The following ZNF470 variants were observed in gnomAD, a reference collection of about 807,000 sequenced individuals.
The protein encoded by ZNF470 is chondrogenesis zinc finger protein 1.
In ZNF470, 13 loss-of-function variants were observed where a neutral mutation model predicts 13.9. The ratio of observed to expected loss-of-function variants is 0.94; its 90% CI spans 0.61 to 1.49. ZNF470 has a LOEUF of 1.49. ZNF470 is among the 40% of genes most tolerant of loss of function. The pLI, the probability that ZNF470 is intolerant of heterozygous loss-of-function variation, is 0.00. For missense variants in ZNF470, 929 were observed against 857.3 expected (o/e 1.08, Z -1.04); for synonymous variants, 293 against 282.9 (o/e 1.04, Z -0.36).
chr19:56,581,816 A>G lies in ZNF470; in HGVS notation c.*3233A>G, dbSNP rs993363069. The G allele has an allele frequency of 5.3e-5, 52 of 985,272 alleles. No individual in the cohort carries two copies. In the African/African-American group the frequency reaches 7.7e-4, roughly 15 times the overall value. 61.0% of individuals were successfully genotyped at this position (985,272 alleles called of 1,614,324 possible). A position where few individuals can be genotyped will look rare whatever the true frequency, so the allele number is the denominator to read the frequency against. The stretch of plus-strand genomic sequence containing the variant: ...CATATGTTTTTGATGGACGTGGCCA[A>G]TAAAATTGTCTCTGAATTTCAAAAG... On this transcript the variant is annotated 3_prime_UTR_variant, in exon 6 of 6. Transcript: ENST00000330619.
chr19:56,578,689 T>C lies in ZNF470; in HGVS notation c.*106T>C. 1 of 1,326,258 alleles carries C rather than the reference T, an allele frequency of 7.5e-7. No homozygotes were observed. The highest frequency in any genetic ancestry group is 2.6e-5 in the East Asian group (1 of 38,158). 82.2% of individuals were successfully genotyped at this position (1,326,258 alleles called of 1,614,324 possible). The stretch of plus-strand genomic sequence containing the variant: ...TCTCATCTGGATTTCTGCAGTAGCA[T>C]AACTGTTGCCCCTTTTGCTTCTATC... On this transcript the variant is annotated 3_prime_UTR_variant, in exon 6 of 6. Transcript: ENST00000330619.
In ZNF470 at chr19:56,573,986, TC is replaced by T. The variant is rs527614760; in HGVS notation, c.61-407del. The stretch of plus-strand genomic sequence containing the variant: ...GGAGATTGAAATCATGTTCATCAGG[TC>T]AGCATCCTTCCTTGCAAGTTTTTCT... On this transcript the variant is annotated intron_variant, in intron 3 of 5. Coordinates refer to ENST00000330619, the MANE Select transcript of ZNF470 (RefSeq NM_001001668.4). The T allele has an allele frequency of 8.5e-5, 84 of 983,560 alleles. No homozygotes were observed. In the African/African-American group the frequency reaches 1.4e-3, roughly 16 times the overall value. 60.9% of individuals were successfully genotyped at this position (983,560 alleles called of 1,614,324 possible).
In ZNF470 at chr19:56,577,306, T is replaced by C; in HGVS notation, c.877T>C (p.Phe293Leu). 6.2e-7 allele frequency: 1 copy of C among 1,613,848 alleles called. No homozygotes were observed. The highest frequency in any genetic ancestry group is 8.5e-7 in the Non-Finnish European group (1 of 1,179,842). The change falls in exon 6 of 6, where the codon TTC becomes CTC. Residue 293 changes from phenylalanine (F) to leucine (L), a missense_variant. Physicochemically the swap from Phe to Leu is conservative, Grantham distance 22. Transcript: ENST00000330619. ...TGAATGTACTGAATGTGGGAAAGCC[T>C]TCAGCCAGAATGCTCATCTTGTTCA... The part of the protein sequence containing the change: ...PFECTECGKA[F>L]SQNAHLVQHQ...
rs751568775 is a variant in ZNF470, at chr19:56,574,654, A to G, written c.204A>G (p.Lys68=). The change falls in exon 5 of 6, where the codon AAA becomes AAG. Residue 68 remains lysine, a synonymous_variant. Transcript: ENST00000330619. ...NLVSVGLCIS[K]PDVISLLEQE... ...TACATGCAGGTCTTTGCATTTCTAA[A>G]CCAGATGTGATCTCCTTACTGGAGC... 1 of 1,613,736 alleles carries G rather than the reference A, an allele frequency of 6.2e-7. No homozygotes were observed. Among genetic ancestry groups the G allele is most frequent in the African/African-American group, 1.3e-5 (1 of 75,032 alleles).
Position 56,577,570 on chromosome 19 carries a change from G to A in ZNF470, c.1141G>A (p.Ala381Thr). 1 of 1,613,956 alleles carries A rather than the reference G, an allele frequency of 6.2e-7. No homozygotes were observed. The highest frequency in any genetic ancestry group is 1.7e-5 in the Admixed American group (1 of 59,988). The change falls in exon 6 of 6, where the codon GCT becomes ACT. Residue 381 changes from alanine to threonine, a missense_variant. By Grantham distance (58) the Ala-to-Thr change is moderately conservative (BLOSUM62 0). Coordinates refer to ENST00000330619, the MANE Select transcript of ZNF470 (RefSeq NM_001001668.4). ...IDCGKAFRQNASLIRHRRYYH... is the reference protein window; with the variant it reads ...IDCGKAFRQNTSLIRHRRYYH... ...CTGTGGGAAAGCTTTCAGGCAGAAT[G>A]CTTCTCTTATACGTCATCGGCGATA...
intron 5 of ZNF470, among the ~76,000 whole-genome samples, chr19:56,575,980 C>T (rs1600567697): frequency 1.3e-5 from 2 of 152,182 alleles, no homozygotes; most frequent in Admixed American, 1.3e-4. Flanking sequence ...GAATTAGAAA[C>T]AGTAGCGCTA....
intron 3 of ZNF470, among the ~76,000 whole-genome samples, chr19:56,573,717 G>A (rs2044470154): frequency 6.6e-6 from 1 of 152,194 alleles, no homozygotes; most frequent in Non-Finnish European, 1.5e-5. Flanking sequence ...TGAGGTGGGA[G>A]GATTGTGAGA....
At chr19:56,572,858 CT>C (rs138215985) in intron 3 of ZNF470, among the ~76,000 whole-genome samples, 9,752 of 152,216 alleles carry the variant, frequency 0.064, 429 homozygotes, top group Middle Eastern at 0.13. Context: ...AGAACATTCA[CT>C]GCCAGAATTC....
chr19:56,569,218 C>T (rs1339650788), intron 2 of ZNF470, among the ~76,000 whole-genome samples: 1 of 152,194 alleles, frequency 6.6e-6, no homozygotes, highest in African/African-American at 2.4e-5. Flanking sequence ...TATCCTCTTC[C>T]TTCCTAATTA....
Position 56,579,344 on chromosome 19 carries a change from C to T in ZNF470, c.*761C>T. 1 of 745,276 alleles carries T rather than the reference C, an allele frequency of 1.3e-6. No individual in the cohort carries two copies. The highest frequency in any genetic ancestry group is 1.6e-6 in the Non-Finnish European group (1 of 610,982). The allele number at this position is 745,276 out of a possible 1,614,324, so 46.2% of individuals were successfully genotyped here. A position where few individuals can be genotyped will look rare whatever the true frequency, so the allele number is the denominator to read the frequency against. The stretch of plus-strand genomic sequence containing the variant: ...GGCTGAAGCAGGAGGATTGCTTGAG[C>T]CCAGGAGGTAGAGGTTGCAGTGAGT... On this transcript the variant is annotated 3_prime_UTR_variant, in exon 6 of 6. Coordinates refer to ENST00000330619, the MANE Select transcript of ZNF470 (RefSeq NM_001001668.4).
In ZNF470 at chr19:56,578,436, A is replaced by G; in HGVS notation, c.2007A>G (p.Arg669=). 6.2e-7 allele frequency: 1 copy of G among 1,612,696 alleles called. No homozygotes were observed. The highest frequency in any genetic ancestry group is 8.5e-7 in the Non-Finnish European group (1 of 1,179,204). The part of the protein sequence containing the change: ...SQVAHLTLHK[R]IHTGERPYEC... ...TTGCCCATCTTACTCTACATAAGAGAATTCATACTGGAGAAAGGCCCTATG... is the reference window on the plus strand; with the variant it reads ...TTGCCCATCTTACTCTACATAAGAGGATTCATACTGGAGAAAGGCCCTATG... Residue 669 remains arginine (R), a synonymous_variant, in exon 6 of 6, where the codon AGA becomes AGG. Coordinates refer to ENST00000330619, the MANE Select transcript of ZNF470 (RefSeq NM_001001668.4).
In ZNF470 at chr19:56,577,361, C is replaced by T; in HGVS notation, c.932C>T (p.Pro311Leu). The change falls in exon 6 of 6, where the codon CCT becomes CTT. Residue 311 changes from proline to leucine, a missense_variant. Pro to Leu is a moderately conservative substitution (Grantham distance 98). Transcript: ENST00000330619. Reference protein sequence around the residue: ...QHQRVHTGEKPYQCKQCNKAF... With the variant: ...QHQRVHTGEKLYQCKQCNKAF... ...CAGAGAGTTCATACTGGAGAGAAACCTTATCAGTGTAAGCAGTGTAATAAA... is the reference window on the plus strand; with the variant it reads ...CAGAGAGTTCATACTGGAGAGAAACTTTATCAGTGTAAGCAGTGTAATAAA... 1 of 1,613,606 alleles carries T rather than the reference C, an allele frequency of 6.2e-7. No individual in the cohort carries two copies. Among genetic ancestry groups the T allele is most frequent in the Non-Finnish European group, 8.5e-7 (1 of 1,179,722 alleles).
chr19:56,581,418 T>C lies in ZNF470; in HGVS notation c.*2835T>C. 1 of 968,398 alleles carries C rather than the reference T, an allele frequency of 1.0e-6. No individual in the cohort carries two copies. Among genetic ancestry groups the C allele is most frequent in the Non-Finnish European group, 1.2e-6 (1 of 814,368 alleles). 60.0% of individuals were successfully genotyped at this position (968,398 alleles called of 1,614,324 possible). A position where few individuals can be genotyped will look rare whatever the true frequency, so the allele number is the denominator to read the frequency against. On this transcript the variant is annotated 3_prime_UTR_variant, in exon 6 of 6. Coordinates refer to ENST00000330619, the MANE Select transcript of ZNF470 (RefSeq NM_001001668.4). The stretch of plus-strand genomic sequence containing the variant: ...TTTATGTATATACCCTTTGAATTAA[T>C]ATTCCTTGGAAACCAACATATACAA...
rs536203337 is a variant in ZNF470, at chr19:56,572,847, A to G, written c.61-1547A>G. Among the ~76,000 whole-genome samples the G allele has an allele frequency of 3.3e-5, 5 of 151,316 alleles. No homozygotes were observed. The East Asian group carries it at 9.7e-4, about 29-fold the overall frequency. ...AAAGTTACTCATAGGAAAGAAAACT[A>G]AGAACATTCACTGCCAGAATTCTGC... is the stretch of plus-strand genomic sequence containing the variant. On this transcript the variant is annotated intron_variant, in intron 3 of 5. Coordinates refer to ENST00000330619, the MANE Select transcript of ZNF470 (RefSeq NM_001001668.4).
chr19:56,567,850 G>A lies in ZNF470; in HGVS notation c.-347G>A. On this transcript the variant is annotated 5_prime_UTR_variant, in exon 1 of 6. Transcript: ENST00000330619. Reference sequence around the variant, plus strand: ...AACCCGGCCGGAGGAGGCTTACCCCGTTCTCCCCTGTATCGACTGCGTAGA... The same window carrying A: ...AACCCGGCCGGAGGAGGCTTACCCCATTCTCCCCTGTATCGACTGCGTAGA... 1.0e-6 allele frequency: 1 copy of A among 985,906 alleles called. No homozygotes were observed. The highest frequency in any genetic ancestry group is 1.7e-5 in the African/African-American group (1 of 57,276). The allele number at this position is 985,906 out of a possible 1,614,324, so 61.1% of individuals were successfully genotyped here. A position where few individuals can be genotyped will look rare whatever the true frequency, so the allele number is the denominator to read the frequency against.
rs1399215027 is a variant in ZNF470, at chr19:56,578,119, C to T, written c.1690C>T (p.Pro564Ser). The change falls in exon 6 of 6, where the codon CCT becomes TCT. Residue 564 changes from proline (P) to serine (S), a missense_variant. Physicochemically the swap from Pro to Ser is moderately conservative, Grantham distance 74. Coordinates refer to ENST00000330619, the MANE Select transcript of ZNF470 (RefSeq NM_001001668.4). ...CCAGAGAGTTCATACTGGTGAGAAG[C>T]CTTACGAATGTATTGAATGTGGGAA... ...QHQRVHTGEK[P>S]YECIECGKAF... 6.2e-7 allele frequency: 1 copy of T among 1,614,044 alleles called. No homozygotes were observed. Among genetic ancestry groups the T allele is most frequent in the Admixed American group, 1.7e-5 (1 of 59,998 alleles).
At chr19:56,573,075 T>G (rs888500100) in intron 3 of ZNF470, among the ~76,000 whole-genome samples, 27 of 152,236 alleles carry the variant, frequency 1.8e-4, no homozygotes, top group Admixed American at 9.8e-4. Flanking sequence ...ATATAGGTAA[T>G]CTAGATTCAG....
rs752474599 is a variant in ZNF470 at position 56,576,673 on chromosome 19, A to G, written c.284-40A>G. 14 of 1,361,860 alleles carry G rather than the reference A, an allele frequency of 1.0e-5. No homozygotes were observed. In the Admixed American group the frequency reaches 2.5e-4, roughly 24 times the overall value. 84.4% of individuals were successfully genotyped at this position (1,361,860 alleles called of 1,614,324 possible). A position where few individuals can be genotyped will look rare whatever the true frequency, so the allele number is the denominator to read the frequency against. On this transcript the variant is annotated intron_variant, in intron 5 of 5. Coordinates refer to ENST00000330619, the MANE Select transcript of ZNF470 (RefSeq NM_001001668.4). The stretch of plus-strand genomic sequence containing the variant: ...TTTTCGAAATTTCCATTATTCTAGC[A>G]TTTAATAAAGGAGACATTTACTTTC...
In ZNF470 at chr19:56,574,670, T is replaced by C; in HGVS notation, c.220T>C (p.Leu74=). Residue 74 remains leucine, a synonymous_variant, in exon 5 of 6, where the codon TTA becomes CTA. Coordinates refer to ENST00000330619, the MANE Select transcript of ZNF470 (RefSeq NM_001001668.4). ...LCISKPDVIS[L]LEQEKDPWVI... is the part of the protein sequence containing the mutation. ...CATTTCTAAACCAGATGTGATCTCC[T>C]TACTGGAGCAAGAGAAAGACCCTTG... 3 of 1,613,814 alleles carry C rather than the reference T, an allele frequency of 1.9e-6. No homozygotes were observed. Among genetic ancestry groups the C allele is most frequent in the Non-Finnish European group, 2.5e-6 (3 of 1,179,806 alleles).
Sources: gnomAD v4.1 joint callset for allele counts (sites outside exome capture counted in the v4.1 genomes callset) on GRCh38, gnomAD v4.1.1 for gene constraint, MANE v1.5 for transcripts, NCBI Gene and HGNC (gene_info 2026-07-23, HGNC 2026-07-21) for gene names.